PARD3B: variants seen among roughly 807,000 people sequenced by gnomAD.
PARD3B encodes the protein partitioning defective 3 homolog B.
In PARD3B, 103 loss-of-function variants were observed where a neutral mutation model predicts 130.2. The observed-to-expected ratio is 0.79, with a 90% confidence interval of 0.67 to 0.93. The LOEUF (loss-of-function observed/expected upper bound fraction) is 0.93, where lower values mean the gene tolerates loss of function less well. Among genes scored for constraint, PARD3B ranks in the 40% least tolerant of loss-of-function variants. The pLI, the probability that PARD3B is intolerant of heterozygous loss-of-function variation, is 0.00. For synonymous variants in PARD3B, 583 were observed against 553.2 expected, an observed-to-expected ratio of 1.05 and a Z score of -0.76; for missense variants, 1,609 against 1,499.2, an observed-to-expected ratio of 1.07 and a Z score of -1.21.
At chr2:205,039,651 G>A (rs559790459) in intron 3 of PARD3B, among the ~76,000 whole-genome samples, 14 of 152,000 alleles carry the variant, frequency 9.2e-5, no homozygotes, top group Admixed American at 7.2e-4. Context: ...TTGTATTTTA[G>A]TAGAGATGGG....
At chr2:204,886,668 C>T (rs1028368284) in intron 2 of PARD3B, among the ~76,000 whole-genome samples, 1 of 152,132 alleles carries the variant, frequency 6.6e-6, no homozygotes, top group African/African-American at 2.4e-5. Context: ...GATGTCTGTG[C>T]AACATATGAA....
At chr2:204,935,442 G>A (rs1559276329) in intron 2 of PARD3B, among the ~76,000 whole-genome samples, 2 of 151,542 alleles carry the variant, frequency 1.3e-5, no homozygotes, top group Non-Finnish European at 2.9e-5. Flanking sequence ...GGGAGGCTGA[G>A]GCAGGAGAAT....
chr2:205,117,087 A>T (rs894787314), intron 6 of PARD3B, among the ~76,000 whole-genome samples: 9 of 152,216 alleles, frequency 5.9e-5, no homozygotes, highest in Admixed American at 2.0e-4. Context: ...TTATAACCAC[A>T]TGTGAGCCTC....
intron 2 of PARD3B, among the ~76,000 whole-genome samples, chr2:204,718,208 G>T (rs1419161947): frequency 6.6e-6 from 1 of 151,822 alleles, no homozygotes; most frequent in Non-Finnish European, 1.5e-5. Context: ...GTGTCTATAT[G>T]CTTTCTCTCT....
intron 4 of PARD3B, among the ~76,000 whole-genome samples, chr2:205,092,891 TAATG>T (rs1702193081): frequency 6.6e-6 from 1 of 152,174 alleles, no homozygotes; most frequent in Non-Finnish European, 1.5e-5. Context: ...ATTTTATAAA[TAATG>T]AAAGTCATTT....
chr2:204,841,083 A>T (rs2044243269), intron 2 of PARD3B, among the ~76,000 whole-genome samples: 1 of 152,152 alleles, frequency 6.6e-6, no homozygotes, highest in Non-Finnish European at 1.5e-5. Flanking sequence ...TGAAGAGCAC[A>T]TTGGCAAGGA....
chr2:205,441,696 T>G (rs1236889427), intron 20 of PARD3B, among the ~76,000 whole-genome samples: 4 of 152,210 alleles, frequency 2.6e-5, no homozygotes, highest in Non-Finnish European at 5.9e-5. Flanking sequence ...TATTATGCAC[T>G]TTCAATTAGG....
intron 22 of PARD3B, among the ~76,000 whole-genome samples, chr2:205,615,105 T>A (rs755024761): frequency 6.6e-6 from 1 of 152,136 alleles, no homozygotes; most frequent in Non-Finnish European, 1.5e-5. Flanking sequence ...ATAAACCAGA[T>A]TGAAGTGTAT....
chr2:205,442,626 T>C (rs1374901259), intron 20 of PARD3B, among the ~76,000 whole-genome samples: 2 of 152,096 alleles, frequency 1.3e-5, no homozygotes, highest in Non-Finnish European at 2.9e-5. Flanking sequence ...ATTGCAGTCT[T>C]TTTATGCCTA....
intron 1 of PARD3B, among the ~76,000 whole-genome samples, chr2:204,640,084 T>C (rs1262747883): frequency 6.6e-6 from 1 of 151,986 alleles, no homozygotes; most frequent in Non-Finnish European, 1.5e-5. Flanking sequence ...GGAGACCTCA[T>C]CTCTACAAAT....
At chr2:205,191,332 A>G (rs144301432) in intron 14 of PARD3B, among the ~76,000 whole-genome samples, 1 of 152,312 alleles carries the variant, frequency 6.6e-6, no homozygotes, top group African/African-American at 2.4e-5. Context: ...CATAAATTCT[A>G]TTCTTATCCA....
chr2:205,047,173 A>G (rs1040278140), intron 3 of PARD3B, among the ~76,000 whole-genome samples: 2 of 152,202 alleles, frequency 1.3e-5, no homozygotes, highest in Non-Finnish European at 2.9e-5. Context: ...AATGGCAGTA[A>G]TAACTATACT....
At chr2:205,449,283 G>A (rs2106189437) in intron 20 of PARD3B, among the ~76,000 whole-genome samples, 1 of 150,390 alleles carries the variant, frequency 6.6e-6, no homozygotes, top group East Asian at 2.0e-4. Context: ...AGGCTAGAAT[G>A]CAGTGGCGCG....
chr2:204,815,591 T>C (rs994282904), intron 2 of PARD3B, among the ~76,000 whole-genome samples: 49 of 152,008 alleles, frequency 3.2e-4, no homozygotes, highest in Non-Finnish European at 5.9e-4. Context: ...AATTTCCTCT[T>C]CTTTGTGAAG....
rs142364151 is a variant in PARD3B at position 205,557,679 on chromosome 2, A to G, written c.3260+4276A>G. Reference sequence around the variant, plus strand: ...AGTGCCGGTATGAGTATTAAATACAATAATACAAGCAAAACCCTCAGCGAA... The same window carrying G: ...AGTGCCGGTATGAGTATTAAATACAGTAATACAAGCAAAACCCTCAGCGAA... On this transcript the variant is annotated intron_variant, in intron 22 of 22. Transcript: ENST00000406610. 5.2e-4 allele frequency among the ~76,000 whole-genome samples: 79 copies of G among 152,328 alleles called. No individual in the cohort carries two copies. The East Asian group carries it at 0.015, about 29-fold the overall frequency.
chr2:204,859,338 A>G (rs562205798), intron 2 of PARD3B, among the ~76,000 whole-genome samples: 3 of 152,304 alleles, frequency 2.0e-5, no homozygotes, highest in East Asian at 1.9e-4. Context: ...AAAGTAGATT[A>G]TGTTTTTAGA....
chr2:205,010,081 A>G (rs769172277), intron 3 of PARD3B, among the ~76,000 whole-genome samples: 3 of 152,182 alleles, frequency 2.0e-5, no homozygotes, highest in Non-Finnish European at 4.4e-5. Flanking sequence ...ATATTTTTCC[A>G]AGCAGGCAAT....
intron 3 of PARD3B, among the ~76,000 whole-genome samples, chr2:205,007,915 T>C (rs1559350981): frequency 6.6e-6 from 1 of 152,210 alleles, no homozygotes; most frequent in Non-Finnish European, 1.5e-5. Flanking sequence ...ACCTCCTTGG[T>C]TAAATACACT....
chr2:205,068,296 A>T (rs755604482), intron 4 of PARD3B, among the ~76,000 whole-genome samples: 1 of 151,780 alleles, frequency 6.6e-6, no homozygotes, highest in African/African-American at 2.4e-5. Flanking sequence ...ATGTATTGTC[A>T]TAGTCTTAAG....
Sources: allele counts gnomAD v4.1 joint callset (sites outside exome capture counted in the v4.1 genomes callset), GRCh38; gene constraint gnomAD v4.1.1; transcripts MANE v1.5; gene names NCBI Gene and HGNC (gene_info 2026-07-23, HGNC 2026-07-21).